The following CCSER1 variants were observed in gnomAD, a reference collection of about 807,000 sequenced individuals.
The protein encoded by CCSER1 is serine-rich coiled-coil domain-containing protein 1.
CCSER1 carries 41 observed loss-of-function variants against 82.0 expected under a neutral mutation model. The observed-to-expected ratio is 0.50, with a 90% CI of 0.39 to 0.65. The LOEUF (loss-of-function observed/expected upper bound fraction) is 0.65. Among genes scored for constraint, CCSER1 ranks in the 30% least tolerant of loss-of-function variants. The probability of loss-of-function intolerance (pLI) is 0.00; values close to 1 mark genes in which losing one functional copy is unlikely to be tolerated. For synonymous variants in CCSER1, 414 were observed against 383.9 expected (o/e 1.08, Z -0.92); for missense variants, 1,119 against 1,064.2 (o/e 1.05, Z -0.72).
At chr4:90,419,251 A>G (rs1756310621) in intron 4 of CCSER1, among the ~76,000 whole-genome samples, 1 of 151,874 alleles carries the variant, frequency 6.6e-6, no homozygotes, top group African/African-American at 2.4e-5. Flanking sequence ...CTGTATTTCT[A>G]CTTCAAAAGG....
chr4:90,152,177 C>T (rs1726987665), intron 1 of CCSER1, among the ~76,000 whole-genome samples: 1 of 152,132 alleles, frequency 6.6e-6, no homozygotes, highest in Admixed American at 6.6e-5. Context: ...TCTGCTTTAT[C>T]TCTCTCTGCT....
intron 10 of CCSER1, among the ~76,000 whole-genome samples, chr4:91,259,732 G>C (rs925303681): frequency 2.0e-5 from 3 of 152,020 alleles, no homozygotes; most frequent in Non-Finnish European, 4.4e-5. Context: ...GAGAATGAAG[G>C]CTTCCAGCTT....
intron 10 of CCSER1, among the ~76,000 whole-genome samples, chr4:91,282,965 G>C (rs891895229): frequency 2.6e-5 from 4 of 151,932 alleles, no homozygotes; most frequent in African/African-American, 9.7e-5. Context: ...CTAAGCATAA[G>C]AGCTTTACAG....
At chr4:90,654,590 C>T (rs885210) in intron 6 of CCSER1, among the ~76,000 whole-genome samples, 104,858 of 152,002 alleles carry the variant, frequency 0.69, 36,494 homozygotes, top group African/African-American at 0.77. Context: ...CTCATATCTT[C>T]TCTTTCATAG....
intron 3 of CCSER1, among the ~76,000 whole-genome samples, chr4:90,380,037 C>T (rs1426965577): frequency 6.6e-6 from 1 of 152,146 alleles, no homozygotes; most frequent in East Asian, 1.9e-4. Context: ...TGGTGCTAAA[C>T]TATTCATGAG....
At chr4:90,661,303 C>A (rs893361941) in intron 6 of CCSER1, among the ~76,000 whole-genome samples, 1 of 152,056 alleles carries the variant, frequency 6.6e-6, no homozygotes, top group African/African-American at 2.4e-5. Context: ...AAATTATGAC[C>A]TTTATTCGTT....
chr4:90,211,821 G>A (rs932978205), intron 1 of CCSER1, among the ~76,000 whole-genome samples: 1 of 152,064 alleles, frequency 6.6e-6, no homozygotes, highest in African/African-American at 2.4e-5. Flanking sequence ...TTTGTTTTTT[G>A]CTTTTTTTTC....
intron 5 of CCSER1, among the ~76,000 whole-genome samples, chr4:90,563,964 T>G (rs1779077096): frequency 6.6e-6 from 1 of 152,184 alleles, no homozygotes; most frequent in Non-Finnish European, 1.5e-5. Flanking sequence ...TTTGCCATTT[T>G]GGTAACAGCC....
intron 10 of CCSER1, among the ~76,000 whole-genome samples, chr4:91,204,372 C>T (rs1025187706): frequency 1.3e-5 from 2 of 151,708 alleles, no homozygotes; most frequent in African/African-American, 4.8e-5. Flanking sequence ...ATTGATTAAG[C>T]CATGAAAGAA....
At chr4:90,182,113 C>T (rs1052427309) in intron 1 of CCSER1, among the ~76,000 whole-genome samples, 2 of 152,014 alleles carry the variant, frequency 1.3e-5, no homozygotes, top group Non-Finnish European at 2.9e-5. Context: ...TTGGAAAAAA[C>T]CCTAAAGATA....
intron 5 of CCSER1, among the ~76,000 whole-genome samples, chr4:90,506,760 G>A (rs930030334): frequency 6.2e-5 from 9 of 144,188 alleles, no homozygotes; most frequent in South Asian, 4.5e-4. Context: ...GTGAGACTCC[G>A]TGTCCAAAAA....
chr4:90,437,118 G>A (rs955999341), intron 4 of CCSER1, among the ~76,000 whole-genome samples: 1 of 152,132 alleles, frequency 6.6e-6, no homozygotes, highest in Non-Finnish European at 1.5e-5. Flanking sequence ...ACCGCCCCCG[G>A]ACGAGAATAT....
rs188043686 is a variant in CCSER1 at position 91,462,180 on chromosome 4, G to A, written c.2218-136392G>A. Among the ~76,000 whole-genome samples, 353 of 152,118 alleles carry A rather than the reference G, an allele frequency of 2.3e-3. 1 individual carries two copies. The highest frequency in any genetic ancestry group is 0.014 in the Middle Eastern group (4 of 294). On this transcript the variant is annotated intron_variant, in intron 10 of 10. Transcript: ENST00000509176. Reference sequence around the variant, plus strand: ...GAAGTAACAAAAATCCTGAATAAATGAGATTTTCACCCTGAGATTGAAAGA... The same window carrying A: ...GAAGTAACAAAAATCCTGAATAAATAAGATTTTCACCCTGAGATTGAAAGA...
intron 10 of CCSER1, among the ~76,000 whole-genome samples, chr4:91,467,591 C>T (rs1399977046): frequency 6.6e-6 from 1 of 151,870 alleles, no homozygotes; most frequent in Non-Finnish European, 1.5e-5. Flanking sequence ...AAAATTTTTG[C>T]AATCTACTCA....
At chr4:90,924,615 A>G (rs983830950) in intron 9 of CCSER1, among the ~76,000 whole-genome samples, 3 of 152,192 alleles carry the variant, frequency 2.0e-5, no homozygotes, top group African/African-American at 7.2e-5. Flanking sequence ...ATCTATTTTT[A>G]AAAAGAAATA....
chr4:90,540,652 C>G (rs2153635629), intron 5 of CCSER1, among the ~76,000 whole-genome samples: 1 of 152,142 alleles, frequency 6.6e-6, no homozygotes, highest in South Asian at 2.1e-4. Flanking sequence ...GTATTAATTT[C>G]TAGATTTAAA....
chr4:90,662,155 T>G (rs973019933), intron 6 of CCSER1, among the ~76,000 whole-genome samples: 1 of 151,984 alleles, frequency 6.6e-6, no homozygotes, highest in Non-Finnish European at 1.5e-5. Flanking sequence ...CTCGCCACCA[T>G]GCCCAGCTAA....
rs10034216 is a variant in CCSER1 at position 90,602,883 on chromosome 4, C to A, written c.1725-25142C>A. Among the ~76,000 whole-genome samples, 1,030 of 152,290 alleles carry A rather than the reference C, an allele frequency of 6.8e-3. 9 individuals carry two copies. Among genetic ancestry groups the A allele is most frequent in the African/African-American group, 0.024 (978 of 41,574 alleles). On this transcript the variant is annotated intron_variant, in intron 5 of 10. Transcript: ENST00000509176. The stretch of plus-strand genomic sequence containing the variant: ...CAGGGGAATTTCTCCTTTATTACCC[C>A]GATCAGGAAACAAATCTGTCCTCTC...
At chr4:90,319,245 C>G (rs914557692) in intron 3 of CCSER1, among the ~76,000 whole-genome samples, 38 of 152,124 alleles carry the variant, frequency 2.5e-4, no homozygotes, top group Admixed American at 2.5e-3. Context: ...AAATCAGTCT[C>G]AAAACACCCC....
Sources: allele counts gnomAD v4.1 joint callset (sites outside exome capture counted in the v4.1 genomes callset), GRCh38; gene constraint gnomAD v4.1.1; transcripts MANE v1.5; gene names NCBI Gene and HGNC (gene_info 2026-07-23, HGNC 2026-07-21).